Variants in DPYD observed in about 807,000 individuals in gnomAD.
DPYD encodes the protein dihydropyrimidine dehydrogenase [NADP(+)].
In DPYD, 109 loss-of-function variants were observed where a neutral mutation model predicts 116.2. That is an observed-to-expected ratio of 0.94 (90% CI 0.80 to 1.10). DPYD has a LOEUF of 1.10. Ranked by LOEUF, DPYD falls within the 50% of genes least tolerant of loss-of-function variation. The pLI, the probability that DPYD is intolerant of heterozygous loss-of-function variation, is 0.00. For synonymous variants in DPYD, 440 were observed against 432.0 expected (o/e 1.02, Z -0.23); for missense variants, 1,302 against 1,254.5 (o/e 1.04, Z -0.57).
At chr1:97,304,770 G>A (rs1331448383) in intron 18 of DPYD, among the ~76,000 whole-genome samples, 1 of 151,968 alleles carries the variant, frequency 6.6e-6, no homozygotes, top group Non-Finnish European at 1.5e-5. Context: ...GAAAGAGCGT[G>A]CAAAGGTGTG....
intron 11 of DPYD, among the ~76,000 whole-genome samples, chr1:97,567,092 G>C (rs1046529915): frequency 2.6e-5 from 4 of 152,000 alleles, no homozygotes; most frequent in Non-Finnish European, 5.9e-5. Flanking sequence ...TTTTTGCATC[G>C]TAAGAATCTT....
intron 12 of DPYD, among the ~76,000 whole-genome samples, chr1:97,518,594 G>A (rs896961453): frequency 6.6e-6 from 1 of 152,068 alleles, no homozygotes; most frequent in African/African-American, 2.4e-5. Context: ...GGATGTAGAT[G>A]CTTTGCTCTT....
chr1:97,832,305 C>A (rs1474065395), intron 2 of DPYD, among the ~76,000 whole-genome samples: 1 of 152,076 alleles, frequency 6.6e-6, no homozygotes, highest in Non-Finnish European at 1.5e-5. Context: ...AGCCTCAGAG[C>A]CAGACTCAAA....
At chr1:97,737,937 G>A (rs1199388741) in intron 4 of DPYD, among the ~76,000 whole-genome samples, 3 of 151,692 alleles carry the variant, frequency 2.0e-5, no homozygotes, top group East Asian at 1.9e-4. Context: ...CTTTTACATC[G>A]TGTAATTTAG....
chr1:97,905,153 T>C (rs1034796954), intron 1 of DPYD, among the ~76,000 whole-genome samples: 1 of 152,050 alleles, frequency 6.6e-6, no homozygotes, highest in African/African-American at 2.4e-5. Context: ...AATTGCTTTG[T>C]TTTGAACACT....
At chr1:97,124,513 G>A (rs945615876) in intron 20 of DPYD, among the ~76,000 whole-genome samples, 1 of 152,080 alleles carries the variant, frequency 6.6e-6, no homozygotes, top group African/African-American at 2.4e-5. Context: ...GTAGGTCAGT[G>A]TCCACATAAT....
chr1:97,383,034 G>A (rs180678951), intron 14 of DPYD, among the ~76,000 whole-genome samples: 197 of 152,278 alleles, frequency 1.3e-3, no homozygotes, highest in Non-Finnish European at 2.2e-3. Flanking sequence ...AATGGAGACT[G>A]TATAGAGTAG....
intron 10 of DPYD, among the ~76,000 whole-genome samples, chr1:97,586,830 G>C (rs1654160020): frequency 6.6e-6 from 1 of 151,354 alleles, no homozygotes. Context: ...CAATTGGCTG[G>C]GGATACATTA....
intron 21 of DPYD, among the ~76,000 whole-genome samples, chr1:97,083,792 T>G (rs1649324222): frequency 1.3e-5 from 2 of 152,096 alleles, no homozygotes; most frequent in East Asian, 1.9e-4. Flanking sequence ...TCCTTTGTAT[T>G]TCTTTAGTTT....
chr1:97,353,490 C>A (rs1670253618), intron 16 of DPYD, among the ~76,000 whole-genome samples: 2 of 152,136 alleles, frequency 1.3e-5, no homozygotes, highest in African/African-American at 4.8e-5. Flanking sequence ...CTGTCCAGAG[C>A]AGTTTCTTAA....
At chr1:97,294,986 G>A in intron 18 of DPYD, among the ~76,000 whole-genome samples, 1 of 152,166 alleles carries the variant, frequency 6.6e-6, no homozygotes, top group East Asian at 1.9e-4. Flanking sequence ...TAGACTATTA[G>A]AATTTAATGA....
chr1:97,652,895 C>T (rs1658670128), intron 8 of DPYD, among the ~76,000 whole-genome samples: 1 of 152,186 alleles, frequency 6.6e-6, no homozygotes, highest in African/African-American at 2.4e-5. Context: ...CCTCCCTCAG[C>T]ATGCTTCCTA....
rs1296843753 is a variant in DPYD, at chr1:97,740,431, A to G, written c.282T>C (p.Asn94=). Residue 94 remains asparagine (N), a synonymous_variant, in exon 4 of 23, where the codon AAT becomes AAC. Transcript: ENST00000370192. ...TTGTGATGAATGATTTAATATCAAG[A>G]TTAGTTGGACAGCTCTTCTGACACG... ...DAPCQKSCPT[N]LDIKSFITSI... is the part of the protein sequence containing the mutation. 4 of 1,613,126 alleles carry G rather than the reference A, an allele frequency of 2.5e-6. No homozygotes were observed. Among genetic ancestry groups the G allele is most frequent in the South Asian group, 2.2e-5 (2 of 91,084 alleles).
rs552767931 is a variant in DPYD at position 97,288,675 on chromosome 1, A to G, written c.2299+16584T>C. On this transcript the variant is annotated intron_variant, in intron 18 of 22. Transcript: ENST00000370192. Reference sequence around the variant, plus strand: ...CACAACATACCAGACTCTCTGGGACACATTCAAAGCAGTGTGTAGAGGGAA... The same window carrying G: ...CACAACATACCAGACTCTCTGGGACGCATTCAAAGCAGTGTGTAGAGGGAA... 2.1e-5 allele frequency among the ~76,000 whole-genome samples: 3 copies of G among 142,508 alleles called. No individual in the cohort carries two copies. The South Asian group carries it at 7.9e-4, about 37-fold the overall frequency. 93.5% of individuals were successfully genotyped at this position (142,508 alleles called of 152,430 possible).
chr1:97,625,397 C>T (rs1656872805), intron 8 of DPYD, among the ~76,000 whole-genome samples: 1 of 151,766 alleles, frequency 6.6e-6, no homozygotes, highest in African/African-American at 2.4e-5. Flanking sequence ...GTATCAGAGG[C>T]AATAGAATAA....
At chr1:97,840,757 A>G (rs992690267) in intron 2 of DPYD, among the ~76,000 whole-genome samples, 3 of 152,156 alleles carry the variant, frequency 2.0e-5, no homozygotes, top group African/African-American at 4.8e-5. Flanking sequence ...TCCAAATTCA[A>G]GGAACAACAG....
At chr1:97,383,158 A>G (rs1458338653) in intron 14 of DPYD, among the ~76,000 whole-genome samples, 1 of 152,030 alleles carries the variant, frequency 6.6e-6, no homozygotes, top group Non-Finnish European at 1.5e-5. Context: ...AATATGAATA[A>G]TCGTGCCACT....
intron 10 of DPYD, among the ~76,000 whole-genome samples, chr1:97,583,650 CTTTT>C (rs375866957): frequency 4.5e-5 from 6 of 132,518 alleles, no homozygotes; most frequent in Admixed American, 1.5e-4. Flanking sequence ...CTCGTATTTC[CTTTT>C]TTTTTTTTTT....
At chr1:97,495,431 G>A (rs1679206913) in intron 13 of DPYD, among the ~76,000 whole-genome samples, 1 of 152,030 alleles carries the variant, frequency 6.6e-6, no homozygotes, top group Admixed American at 6.6e-5. Context: ...AGACTTAAAA[G>A]GGTAAATCAT....
Sources: gnomAD v4.1 joint callset for allele counts (sites outside exome capture counted in the v4.1 genomes callset) on GRCh38, gnomAD v4.1.1 for gene constraint, MANE v1.5 for transcripts, NCBI Gene and HGNC (gene_info 2026-07-23, HGNC 2026-07-21) for gene names.